The following SQSTM1 variants were observed in gnomAD, a reference collection of about 807,000 sequenced individuals.
SQSTM1 encodes the protein sequestosome 1, also known as sequestosome-1.
Under a neutral mutation model 45.1 loss-of-function variants are expected in SQSTM1, and 36 were observed. That is an observed-to-expected ratio of 0.80 (90% CI 0.61 to 1.05). SQSTM1 has a LOEUF of 1.05. Among genes scored for constraint, SQSTM1 ranks in the 50% least tolerant of loss-of-function variants. The pLI is 0.00. For synonymous variants in SQSTM1, 290 were observed against 244.3 expected (o/e 1.19, Z -1.74); for missense variants, 617 against 607.1 (o/e 1.02, Z -0.17).
intron 5 of SQSTM1, among the ~76,000 whole-genome samples, chr5:179,828,339 CTGTT>C (rs944215710): frequency 2.3e-5 from 3 of 129,018 alleles, no homozygotes; most frequent in African/African-American, 8.6e-5. Context: ...TTCAACTTTT[CTGTT>C]TGTTTCAACC....
At chr5:179,815,183 G>C (rs1029375605), upstream of SQSTM1, among the ~76,000 whole-genome samples, 2 of 152,186 alleles carry the variant, frequency 1.3e-5, no homozygotes, top group African/African-American at 4.8e-5. Flanking sequence ...TTGGGAGGCT[G>C]AGGTGGGTGG....
At chr5:179,818,580 G>A (rs984116431), upstream of SQSTM1, among the ~76,000 whole-genome samples, 20 of 152,166 alleles carry the variant, frequency 1.3e-4, no homozygotes, top group African/African-American at 4.1e-4. Flanking sequence ...TGGCTGCCCC[G>A]GCTGGTCTCC....
intron 1 of SQSTM1, among the ~76,000 whole-genome samples, chr5:179,810,627 A>T (rs1757368039): frequency 1.3e-5 from 2 of 152,208 alleles, no homozygotes; most frequent in Non-Finnish European, 2.9e-5. Flanking sequence ...TTGGGTATAT[A>T]CCCAGTAATG....
chr5:179,822,861 G>A (rs1267592661), intron 1 of SQSTM1, 97 bp from the exon 2 acceptor site: 9 of 1,012,268 alleles, frequency 8.9e-6, no homozygotes, highest in Admixed American at 1.8e-5. Context: ...TTATAGCCCT[G>A]TGAGTGTCCC....
upstream of SQSTM1, among the ~76,000 whole-genome samples, chr5:179,815,003 T>C (rs949201279): frequency 6.6e-6 from 1 of 152,236 alleles, no homozygotes; most frequent in Admixed American, 6.5e-5. Flanking sequence ...TGCCAGAAAG[T>C]ACAATCAACA....
intron 5 of SQSTM1, among the ~76,000 whole-genome samples, chr5:179,830,419 C>G (rs965704203): frequency 3.9e-5 from 6 of 152,090 alleles, no homozygotes; most frequent in Non-Finnish European, 7.3e-5. Flanking sequence ...GTTTTTGAAA[C>G]CGGGTCTCAC....
chr5:179,812,383 G>T (rs1004154735), intron 2 of SQSTM1: 1 of 151,866 alleles, frequency 6.6e-6, no homozygotes, highest in African/African-American at 2.4e-5. Context: ...GGTTTTCAGC[G>T]GTTCCTTCCT....
intron 2 of SQSTM1, chr5:179,813,221 T>C (rs975450524): frequency 4.3e-4 from 66 of 152,154 alleles, no homozygotes; most frequent in African/African-American, 1.5e-3. Flanking sequence ...TGCACTGACA[T>C]TGACCTCCTC....
upstream of SQSTM1, among the ~76,000 whole-genome samples, chr5:179,816,639 C>T (rs1405989581): frequency 6.6e-6 from 1 of 152,268 alleles, no homozygotes; most frequent in Non-Finnish European, 1.5e-5. Flanking sequence ...CTCTCCCCCA[C>T]CTCGCTCCAG....
At chr5:179,821,193 C>G in intron 1 of SQSTM1, 52 bp downstream of exon 1, 1 of 1,312,274 alleles carries the variant, frequency 7.6e-7, no homozygotes, top group Non-Finnish European at 9.7e-7. Context: ...GACACGGCCT[C>G]CTGCCGCGGG....
At chr5:179,834,948 C>T (rs1758450878) in intron 7 of SQSTM1, among the ~76,000 whole-genome samples, 2 of 152,172 alleles carry the variant, frequency 1.3e-5, no homozygotes, top group Admixed American at 1.3e-4. Context: ...GGTGGCCGGG[C>T]AGAGGGGCTC....
chr5:179,828,101 CT>C (rs370822125), intron 5 of SQSTM1, among the ~76,000 whole-genome samples: 1 of 151,968 alleles, frequency 6.6e-6, no homozygotes, highest in Non-Finnish European at 1.5e-5. Context: ...ATCGTCTAGT[CT>C]TTTTTTTAAG....
chr5:179,806,475 G>C lies in SQSTM1; in HGVS notation c.-273G>C, dbSNP rs1757164324. 1 of 1,277,428 alleles carries C rather than the reference G, an allele frequency of 7.8e-7. No individual in the cohort carries two copies. The highest frequency in any genetic ancestry group is 4.7e-5 in the East Asian group (1 of 21,256). The allele number at this position is 1,277,428 out of a possible 1,614,324, so 79.1% of individuals were successfully genotyped here. A position where few individuals can be genotyped will look rare whatever the true frequency, so the allele number is the denominator to read the frequency against. On this transcript the variant is annotated 5_prime_UTR_variant, in exon 1 of 6. Coordinates refer to the SQSTM1 transcript ENST00000514093. This position sits in a 1 kb window ranked among gnomAD's most constrained non-coding sequence, Gnocchi z 4.6. ...GTGCGCCAGGTGCGGGCCGGGCGGG[G>C]GTCGCGCTCACCTTTCTGGCCGCTG...
chr5:179,823,711 C>T (rs1757877574), intron 2 of SQSTM1, 147 bp from the exon 3 acceptor site: 3 of 832,940 alleles, frequency 3.6e-6, no homozygotes, highest in Non-Finnish European at 5.7e-6. Context: ...GCTCTGCTGC[C>T]CTCACCTAAG....
chr5:179,821,508 G>A (rs1757778202), intron 1 of SQSTM1: 1 of 512,750 alleles, frequency 2.0e-6, no homozygotes, highest in South Asian at 1.5e-5. Context: ...GCACTGGGTG[G>A]TCAGGCGGGC....
In SQSTM1 at chr5:179,824,190, G is replaced by C. The variant is rs370203737; in HGVS notation, c.540G>C (p.Ser180=). The C allele has an allele frequency of 3.1e-6, 5 of 1,613,774 alleles. No homozygotes were observed. The East Asian group carries it at 8.9e-5, about 29-fold the overall frequency. Residue 180 remains serine (S), a synonymous_variant, in exon 4 of 8, where the codon TCG becomes TCC. Coordinates refer to ENST00000389805, the MANE Select transcript of SQSTM1 (RefSeq NM_003900.5). ...GCTAATTCCTCCCCCAGGGCTTCTC[G>C]CACAGCCGCTGGCTCCGGAAGGTGA... is the stretch of plus-strand genomic sequence containing the variant. The part of the protein sequence containing the change: ...SPFGHLSEGF[S]HSRWLRKVKH...
chr5:179,836,278 G>A (rs1196994019), intron 7 of SQSTM1, 158 bp from the exon 8 acceptor site: 2 of 933,490 alleles, frequency 2.1e-6, no homozygotes, highest in Non-Finnish European at 1.7e-6. Flanking sequence ...CCCTTTACAG[G>A]GAAAGCAGGT....
rs570175199 is a variant in SQSTM1 at position 179,829,277 on chromosome 5, T to A, written c.755-3755T>A. On this transcript the variant is annotated intron_variant, in intron 5 of 7. Transcript: ENST00000389805. Reference sequence around the variant, plus strand: ...CCCTGGCCAGGCAGGAGGTGGGGAGTCCCTGCTGAGGGAGGTTGAATGCCC... The same window carrying A: ...CCCTGGCCAGGCAGGAGGTGGGGAGACCCTGCTGAGGGAGGTTGAATGCCC... Among the ~76,000 whole-genome samples the A allele has an allele frequency of 2.7e-5, 4 of 150,564 alleles. No homozygotes were observed. The South Asian group carries it at 8.5e-4, about 32-fold the overall frequency.
At chr5:179,825,270 A>T in intron 5 of SQSTM1, 44 bp downstream of exon 5, 1 of 1,465,764 alleles carries the variant, frequency 6.8e-7, no homozygotes. Flanking sequence ...CTCAGCCTGC[A>T]CTTTATGTAA....
Sources: allele counts gnomAD v4.1 joint callset (sites outside exome capture counted in the v4.1 genomes callset), GRCh38; gene constraint gnomAD v4.1.1; non-coding constraint Gnocchi (gnomAD v3.1); transcripts MANE v1.5; gene names NCBI Gene and HGNC (gene_info 2026-07-23, HGNC 2026-07-21).